The following BPIFB6 variants were observed in gnomAD, a reference collection of about 807,000 sequenced individuals.
The protein encoded by BPIFB6 is BPI fold containing family B member 6.
In BPIFB6, 47 loss-of-function variants were observed where a neutral mutation model predicts 54.7. The observed-to-expected ratio is 0.86, with a 90% confidence interval of 0.68 to 1.10. The LOEUF (loss-of-function observed/expected upper bound fraction) is 1.10, where lower values mean the gene tolerates loss of function less well. Ranked by LOEUF, BPIFB6 falls within the 50% of genes least tolerant of loss-of-function variation. The probability of loss-of-function intolerance (pLI) is 0.00; values close to 1 mark genes in which losing one functional copy is unlikely to be tolerated. For missense variants in BPIFB6, 603 were observed against 564.1 expected (o/e 1.07, Z -0.70); for synonymous variants, 255 against 225.9 (o/e 1.13, Z -1.16).
intron 11 of BPIFB6, 24 bp downstream of exon 11, chr20:33,040,342 G>C (rs1979528131): frequency 6.2e-7 from 1 of 1,610,516 alleles, no homozygotes; most frequent in Non-Finnish European, 8.5e-7. Flanking sequence ...GCCCAATGCT[G>C]GCATCCCTGT....
chr20:33,037,287 T>C (rs1367688427), intron 7 of BPIFB6, among the ~76,000 whole-genome samples: 2 of 152,112 alleles, frequency 1.3e-5, no homozygotes, highest in Non-Finnish European at 2.9e-5. Context: ...AAATGAAGCC[T>C]CCAACCACTC....
Position 33,041,958 on chromosome 20 carries a change from A to T in BPIFB6, c.1143-12A>T. The T allele has an allele frequency of 6.2e-7, 1 of 1,612,348 alleles. No individual in the cohort carries two copies. On this transcript the variant is annotated splice_polypyrimidine_tract_variant and intron_variant, in intron 11 of 14. Coordinates refer to ENST00000349552, the MANE Select transcript of BPIFB6 (RefSeq NM_174897.2). The stretch of plus-strand genomic sequence containing the variant: ...CCCTCCCCGCCTGGCTTGCTTCCCC[A>T]CTCCCCCACAGATTACTGAGCTTGT...
intron 3 of BPIFB6, 136 bp from the exon 4 acceptor site, chr20:33,034,627 T>A (rs1351107978): frequency 2.0e-5 from 20 of 993,662 alleles, no homozygotes; most frequent in African/African-American, 4.9e-5. Context: ...GCAGGTCCCA[T>A]CCCCTTTTCT....
chr20:33,043,920 G>T, intron 14 of BPIFB6, 95 bp from the exon 15 acceptor site: 1 of 1,480,506 alleles, frequency 6.8e-7, no homozygotes, highest in South Asian at 1.1e-5. Context: ...CCACCACACT[G>T]GTTTCCATTT....
chr20:33,036,769 C>T (rs1384337303), intron 7 of BPIFB6, among the ~76,000 whole-genome samples: 6 of 152,208 alleles, frequency 3.9e-5, no homozygotes, highest in African/African-American at 9.6e-5. Context: ...TGACTTCACA[C>T]TCATGATCCC....
At position 33,042,544 on chromosome 20, in the gene BPIFB6, A is replaced by G. The variant is rs541427797; in HGVS notation, c.1189-271A>G. 2.6e-5 allele frequency among the ~76,000 whole-genome samples: 4 copies of G among 152,370 alleles called. No individual in the cohort carries two copies. The East Asian group carries it at 7.7e-4, about 29-fold the overall frequency. On this transcript the variant is annotated intron_variant, in intron 12 of 14. Coordinates refer to ENST00000349552, the MANE Select transcript of BPIFB6 (RefSeq NM_174897.2). Reference sequence around the variant, plus strand: ...TTCTGTAGGACCAGGACTGGGGTCCACAGAGCCACTTCTTGTCTCATGAGT... The same window carrying G: ...TTCTGTAGGACCAGGACTGGGGTCCGCAGAGCCACTTCTTGTCTCATGAGT...
chr20:33,034,647 G>A (rs1246029238), intron 3 of BPIFB6, 116 bp from the exon 4 acceptor site: 2 of 1,175,166 alleles, frequency 1.7e-6, no homozygotes, highest in African/African-American at 3.1e-5. Flanking sequence ...TGTCTTGTAG[G>A]GGTGGTCTCC....
At position 33,034,906 on chromosome 20, in the gene BPIFB6, C is replaced by G; in HGVS notation, c.446C>G (p.Pro149Arg). ...CTGGTCAATGTGAAGACTAACCTGC[C>G]TAGCAAGTGAGGGGCTCTGTGGCTG... is the stretch of plus-strand genomic sequence containing the variant. ...VILVNVKTNLPSNMLPKMVNK... is the reference protein window; with the variant it reads ...VILVNVKTNLRSNMLPKMVNK... The change falls in exon 4 of 15, where the codon CCT becomes CGT. Residue 149 changes from proline (P) to arginine (R), a missense_variant. Pro to Arg is a moderately radical substitution (Grantham distance 103). Coordinates refer to ENST00000349552, the MANE Select transcript of BPIFB6 (RefSeq NM_174897.2). The G allele has an allele frequency of 6.2e-7, 1 of 1,609,094 alleles. No individual in the cohort carries two copies. Among genetic ancestry groups the G allele is most frequent in the Non-Finnish European group, 8.5e-7 (1 of 1,175,984 alleles).
At chr20:33,039,076 A>G in intron 9 of BPIFB6, 114 bp downstream of exon 9, 1 of 1,232,022 alleles carries the variant, frequency 8.1e-7, no homozygotes, top group Non-Finnish European at 1.2e-6. Context: ...TCCTTGTCCA[A>G]TGCTGAAACA....
At chr20:33,043,896 C>G in intron 14 of BPIFB6, 119 bp from the exon 15 acceptor site, 1 of 1,293,770 alleles carries the variant, frequency 7.7e-7, no homozygotes, top group Non-Finnish European at 1.1e-6. Context: ...AAGTCTACTT[C>G]AACCTTTGCT....
intron 2 of BPIFB6, 91 bp from the exon 3 acceptor site, chr20:33,034,095 G>T: frequency 1.1e-6 from 1 of 906,416 alleles, no homozygotes; most frequent in South Asian, 1.3e-5. Flanking sequence ...CGGGGTTATC[G>T]AAAGTCTTCC....
At chr20:33,041,931 T>A in intron 11 of BPIFB6, 39 bp from the exon 12 acceptor site, 3 of 1,605,956 alleles carry the variant, frequency 1.9e-6, no homozygotes, top group Non-Finnish European at 2.6e-6. Flanking sequence ...GACCGTTCTT[T>A]CCCCTCCCCG....
intron 14 of BPIFB6, 127 bp from the exon 15 acceptor site, chr20:33,043,888 G>C (rs941145634): frequency 2.5e-6 from 3 of 1,203,698 alleles, no homozygotes; most frequent in Non-Finnish European, 3.7e-6. Flanking sequence ...CACAAGGCAA[G>C]TCTACTTCAA....
In BPIFB6 at chr20:33,035,607, TC is replaced by T. The variant is rs745600269; in HGVS notation, c.517-3del. 1.9e-6 allele frequency: 3 copies of T among 1,614,132 alleles called. No individual in the cohort carries two copies. Among genetic ancestry groups the T allele is most frequent in the Non-Finnish European group, 2.5e-6 (3 of 1,180,004 alleles). On this transcript the variant is annotated splice_region_variant and splice_polypyrimidine_tract_variant and intron_variant, in intron 5 of 14. Transcript: ENST00000349552. Reference sequence around the variant, plus strand: ...CTCTCAGCCCAGTGCCTTCTCTGCTTCCAGATGTGTCCCGCCATCGATGCAG... The same window carrying T: ...CTCTCAGCCCAGTGCCTTCTCTGCTTCAGATGTGTCCCGCCATCGATGCAG...
chr20:33,044,102 A>G, downstream of BPIFB6: 1 of 1,606,326 alleles, frequency 6.2e-7, no homozygotes. Context: ...CCTGCACCCC[A>G]TGGAGGAGAC....
At chr20:33,040,127 G>C (rs577836727) in intron 10 of BPIFB6, 124 bp from the exon 11 acceptor site, 2 of 860,908 alleles carry the variant, frequency 2.3e-6, no homozygotes, top group East Asian at 2.6e-5. Context: ...GATGGGCAGA[G>C]AGAAGATCCC....
intron 10 of BPIFB6, 90 bp downstream of exon 10, chr20:33,039,610 T>C: frequency 7.5e-7 from 1 of 1,340,978 alleles, no homozygotes; most frequent in Non-Finnish European, 1.0e-6. Context: ...AGCCAAGTCA[T>C]GGATCAGAGG....
Position 33,041,134 on chromosome 20 carries a change from C to T in BPIFB6, c.1142+816C>T, listed in dbSNP as rs559596204. On this transcript the variant is annotated intron_variant, in intron 11 of 14. Coordinates refer to ENST00000349552, the MANE Select transcript of BPIFB6 (RefSeq NM_174897.2). ...CCTCCAGAGTAGCTGAGACTACAGGCGCCCGCCACCACGCCTGGCTAATTT... is the reference window on the plus strand; with the variant it reads ...CCTCCAGAGTAGCTGAGACTACAGGTGCCCGCCACCACGCCTGGCTAATTT... Among the ~76,000 whole-genome samples, 16 of 152,106 alleles carry T rather than the reference C, an allele frequency of 1.1e-4. No individual in the cohort carries two copies. In the South Asian group the frequency reaches 1.7e-3, roughly 16 times the overall value.
intron 2 of BPIFB6, chr20:33,033,313 C>T (rs1413868020): frequency 1.6e-6 from 1 of 629,024 alleles, no homozygotes; most frequent in Non-Finnish European, 3.0e-6. Context: ...TGAGCAGGGT[C>T]ATTTTGAGGA....
Sources: allele counts gnomAD v4.1 joint callset (sites outside exome capture counted in the v4.1 genomes callset), GRCh38; gene constraint gnomAD v4.1.1; transcripts MANE v1.5; gene names NCBI Gene and HGNC (gene_info 2026-07-23, HGNC 2026-07-21).